B3GAT2: variants seen among roughly 807,000 people sequenced by gnomAD.
The protein encoded by B3GAT2 is galactosylgalactosylxylosylprotein 3-beta-glucuronosyltransferase 2.
Under a neutral mutation model 27.8 loss-of-function variants are expected in B3GAT2, and 26 were observed. The ratio of observed to expected loss-of-function variants is 0.93; its 90% confidence interval spans 0.68 to 1.30. The LOEUF is 1.30. Among genes scored for constraint, B3GAT2 ranks in the 50% most tolerant of loss-of-function variants. The probability of loss-of-function intolerance (pLI) is 0.00; values close to 1 mark genes in which losing one functional copy is unlikely to be tolerated. For missense variants in B3GAT2, 458 were observed against 459.0 expected, an observed-to-expected ratio of 1.00 and a Z score of 0.02; for synonymous variants, 218 against 195.1, an observed-to-expected ratio of 1.12 and a Z score of -0.98.
At chr6:70,923,726 C>A (rs977979451) in intron 1 of B3GAT2, among the ~76,000 whole-genome samples, 3 of 152,074 alleles carry the variant, frequency 2.0e-5, no homozygotes, top group African/African-American at 7.2e-5. Flanking sequence ...ATTCAGAAAA[C>A]CCTGTATTAT....
At position 70,860,363 on chromosome 6, in the gene B3GAT2, T is replaced by C; in HGVS notation, c.*1300A>G. ...CTGCAATACAAGTTTCATCCAGAAC[T>C]ACCACCTGACATTCCTTGCTGAAAC... On this transcript the variant is annotated 3_prime_UTR_variant, in exon 4 of 4. Transcript: ENST00000230053. The C allele has an allele frequency of 2.5e-6, 4 of 1,588,902 alleles. No homozygotes were observed. Among genetic ancestry groups the C allele is most frequent in the Non-Finnish European group, 3.4e-6 (4 of 1,167,926 alleles).
intron 1 of B3GAT2, among the ~76,000 whole-genome samples, chr6:70,941,483 A>C (rs1003874813): frequency 3.3e-5 from 5 of 152,142 alleles, no homozygotes; most frequent in African/African-American, 1.2e-4. Flanking sequence ...ACACGTGTGA[A>C]GAGGCCAAAT....
intron 2 of B3GAT2, among the ~76,000 whole-genome samples, chr6:70,893,231 C>T (rs1271341228): frequency 6.6e-6 from 1 of 152,140 alleles, no homozygotes; most frequent in Admixed American, 6.5e-5. Context: ...AGACAGCCTC[C>T]ATCCCATCAG....
At chr6:70,916,118 C>A (rs1772768831) in intron 1 of B3GAT2, among the ~76,000 whole-genome samples, 1 of 151,920 alleles carries the variant, frequency 6.6e-6, no homozygotes, top group Non-Finnish European at 1.5e-5. Flanking sequence ...TCCTTCACAT[C>A]CCTTGTAAGT....
intron 1 of B3GAT2, among the ~76,000 whole-genome samples, chr6:70,899,784 T>G (rs73505636): frequency 0.019 from 2,960 of 152,318 alleles, 97 homozygotes; most frequent in African/African-American, 0.068. Context: ...TGTGTCATTT[T>G]CACTCAATCT....
intron 2 of B3GAT2, among the ~76,000 whole-genome samples, chr6:70,879,183 T>C (rs1772060843): frequency 7.6e-6 from 1 of 131,992 alleles, no homozygotes; most frequent in Admixed American, 8.2e-5. Flanking sequence ...CTTAAGTGAC[T>C]TTGTTTTTGT....
intron 1 of B3GAT2, among the ~76,000 whole-genome samples, chr6:70,900,372 T>C (rs1393042432): frequency 1.3e-5 from 2 of 151,694 alleles, no homozygotes; most frequent in Non-Finnish European, 2.9e-5. Flanking sequence ...GTGACTACCA[T>C]GCACTCCAGT....
chr6:70,883,390 C>T (rs1044384831), intron 2 of B3GAT2, among the ~76,000 whole-genome samples: 2 of 150,026 alleles, frequency 1.3e-5, no homozygotes, highest in African/African-American at 4.9e-5. Flanking sequence ...TATTAGTAGC[C>T]TTAAAAAGGA....
rs1771729577 is a variant in B3GAT2 at position 70,861,582 on chromosome 6, A to ATGCTC, written c.*76_*80dup. The ATGCTC allele has an allele frequency of 2.3e-6, 3 of 1,278,778 alleles. No homozygotes were observed. In the South Asian group the frequency reaches 4.0e-5, roughly 17 times the overall value. 79.2% of individuals were successfully genotyped at this position (1,278,778 alleles called of 1,614,324 possible). Reference sequence around the variant, plus strand: ...CTGAAGTAAAACAAACAATACCTGAATGCTCTGTAGCCTAAACTCCAAACA... The same window carrying ATGCTC: ...CTGAAGTAAAACAAACAATACCTGAATGCTCTGCTCTGTAGCCTAAACTCCAAACA... On this transcript the variant is annotated 3_prime_UTR_variant, in exon 4 of 4. Coordinates refer to ENST00000230053, the MANE Select transcript of B3GAT2 (RefSeq NM_080742.3).
intron 2 of B3GAT2, among the ~76,000 whole-genome samples, chr6:70,890,427 A>C (rs1219531825): frequency 6.6e-6 from 1 of 152,168 alleles, no homozygotes; most frequent in African/African-American, 2.4e-5. Context: ...TATGAGGAAA[A>C]GGCACAGAAG....
Position 70,873,604 on chromosome 6 carries a change from T to C in B3GAT2, c.737-11626A>G, listed in dbSNP as rs550234709. ...CTTCCTCGATGTTTAATGTTTTTCA[T>C]ACAGATTTGGGAAGTTCTAACATTT... On this transcript the variant is annotated intron_variant, in intron 2 of 3. Transcript: ENST00000230053. 6.1e-4 allele frequency among the ~76,000 whole-genome samples: 93 copies of C among 152,302 alleles called. 1 individual carries two copies. The highest frequency in any genetic ancestry group is 2.2e-3 in the African/African-American group (93 of 41,586).
chr6:70,916,590 G>T (rs960736091), intron 1 of B3GAT2, among the ~76,000 whole-genome samples: 2 of 152,310 alleles, frequency 1.3e-5, no homozygotes, highest in African/African-American at 4.8e-5. Flanking sequence ...AGTTTATTGA[G>T]AGTTTTTAGC....
intron 2 of B3GAT2, among the ~76,000 whole-genome samples, 153 bp downstream of exon 2, chr6:70,893,975 T>G (rs1385259480): frequency 6.6e-6 from 1 of 152,206 alleles, no homozygotes; most frequent in East Asian, 1.9e-4. Flanking sequence ...AGAGCCTATT[T>G]TGAAGGTTTA....
At chr6:70,916,326 T>C (rs1481983030) in intron 1 of B3GAT2, among the ~76,000 whole-genome samples, 1 of 152,210 alleles carries the variant, frequency 6.6e-6, no homozygotes, top group Non-Finnish European at 1.5e-5. Context: ...TTTCTACATA[T>C]ATAATCATGT....
At chr6:70,922,910 C>T (rs1772893859) in intron 1 of B3GAT2, among the ~76,000 whole-genome samples, 1 of 152,162 alleles carries the variant, frequency 6.6e-6, no homozygotes, top group Admixed American at 6.5e-5. Context: ...ACCTCAGATC[C>T]ACCACTAATT....
chr6:70,856,826 G>T lies in B3GAT2; in HGVS notation c.*4837C>A. The T allele has an allele frequency of 6.4e-7, 1 of 1,565,646 alleles. No homozygotes were observed. Among genetic ancestry groups the T allele is most frequent in the South Asian group, 1.2e-5 (1 of 82,434 alleles). On this transcript the variant is annotated 3_prime_UTR_variant, in exon 4 of 4. Transcript: ENST00000230053. The stretch of plus-strand genomic sequence containing the variant: ...TGGATAAGCTGCGCTTTACTATGCA[G>T]AATTTGATAGCTTATTTTGGTGTTT...
chr6:70,892,433 T>G (rs753065936), intron 2 of B3GAT2, among the ~76,000 whole-genome samples: 1 of 152,216 alleles, frequency 6.6e-6, no homozygotes, highest in African/African-American at 2.4e-5. Context: ...TCACCTTGCA[T>G]GATCCATGCA....
chr6:70,920,405 C>T (rs982379836), intron 1 of B3GAT2, among the ~76,000 whole-genome samples: 33 of 152,222 alleles, frequency 2.2e-4, no homozygotes, highest in African/African-American at 7.7e-4. Flanking sequence ...CGCCCTGCTT[C>T]GGCTTGCCCT....
At chr6:70,933,862 G>C (rs1053843511) in intron 1 of B3GAT2, among the ~76,000 whole-genome samples, 6 of 152,088 alleles carry the variant, frequency 3.9e-5, no homozygotes, top group African/African-American at 7.2e-5. Context: ...TACAAATAGA[G>C]AGTGAAGTTA....
Sources: allele counts gnomAD v4.1 joint callset (sites outside exome capture counted in the v4.1 genomes callset), GRCh38; gene constraint gnomAD v4.1.1; transcripts MANE v1.5; gene names NCBI Gene and HGNC (gene_info 2026-07-23, HGNC 2026-07-21).